The following RBFOX3 variants were observed in gnomAD, a reference collection of about 807,000 sequenced individuals.
RBFOX3 encodes the protein RNA binding fox-1 homolog 3.
Under a neutral mutation model 48.7 loss-of-function variants are expected in RBFOX3, and 17 were observed. That is an observed-to-expected ratio of 0.35 (90% confidence interval 0.24 to 0.52). The LOEUF (loss-of-function observed/expected upper bound fraction) is 0.52, where lower values mean the gene tolerates loss of function less well. Among genes scored for constraint, RBFOX3 ranks in the 20% least tolerant of loss-of-function variants. The pLI is 0.94. For missense variants in RBFOX3, 382 were observed against 497.5 expected (o/e 0.77, Z 2.21); for synonymous variants, 212 against 209.5 (o/e 1.01, Z -0.10).
chr17:79,547,328 G>A (rs940017152), intron 1 of RBFOX3, among the ~76,000 whole-genome samples: 2 of 151,936 alleles, frequency 1.3e-5, no homozygotes, highest in South Asian at 2.1e-4. Flanking sequence ...GGTGGCGCAC[G>A]CCTGTAATCC....
chr17:79,248,069 T>G (rs2063417313), intron 3 of RBFOX3, among the ~76,000 whole-genome samples: 1 of 152,078 alleles, frequency 6.6e-6, no homozygotes, highest in African/African-American at 2.4e-5. Context: ...TGAGCTCCGG[T>G]GGGGAGACCC....
chr17:79,650,537 G>A, the RBFOX3 span, among the ~76,000 whole-genome samples: 1 of 152,098 alleles, frequency 6.6e-6, no homozygotes, highest in East Asian at 1.9e-4. Flanking sequence ...CCACTAGGAC[G>A]TGAACCAGAG....
upstream of RBFOX3, among the ~76,000 whole-genome samples, chr17:79,611,169 T>TCTCTCTCTCTCTCCTCTCTCTCTCTCTCG: frequency 3.9e-5 from 1 of 25,908 alleles, no homozygotes; most frequent in Non-Finnish European, 8.1e-5. Context: ...TCTCTCTCTC[T>TCTCTCTCTCTCTCCTCTCTCTCTCTCTCG]CTCTCCGCCC....
intron 2 of RBFOX3, among the ~76,000 whole-genome samples, chr17:79,454,095 T>C (rs1200255008): frequency 6.6e-6 from 1 of 152,054 alleles, no homozygotes; most frequent in Non-Finnish European, 1.5e-5. Context: ...GGGGAGGCAA[T>C]GCCGTCTGGA....
intron 1 of RBFOX3, among the ~76,000 whole-genome samples, chr17:79,504,422 G>A (rs1046129450): frequency 6.6e-6 from 1 of 152,142 alleles, no homozygotes; most frequent in Non-Finnish European, 1.5e-5. Context: ...AAATAGAGTC[G>A]CTCAAAGCAA....
intron 1 of RBFOX3, among the ~76,000 whole-genome samples, chr17:79,591,879 G>A (rs2093427201): frequency 6.6e-6 from 1 of 151,502 alleles, no homozygotes; most frequent in African/African-American, 2.4e-5. Flanking sequence ...GGAGGCATGT[G>A]CACGTGTGGA....
At chr17:79,562,209 T>A (rs1452647866) in intron 1 of RBFOX3, among the ~76,000 whole-genome samples, 1 of 152,214 alleles carries the variant, frequency 6.6e-6, no homozygotes, top group African/African-American at 2.4e-5. Context: ...AGGAATAGCA[T>A]GCCGGCTGAG....
intron 4 of RBFOX3, among the ~76,000 whole-genome samples, chr17:79,228,083 C>A (rs528766472): frequency 1.3e-5 from 2 of 152,300 alleles, no homozygotes; most frequent in African/African-American, 4.8e-5. Context: ...CCTGCCCTTC[C>A]TCCGTAGGAC....
chr17:79,517,791 T>G (rs2149950584), intron 1 of RBFOX3, among the ~76,000 whole-genome samples: 1 of 152,312 alleles, frequency 6.6e-6, no homozygotes, highest in South Asian at 2.1e-4. Flanking sequence ...TCAGGAAATT[T>G]CCGCTTCTGA....
intron 4 of RBFOX3, among the ~76,000 whole-genome samples, chr17:79,144,057 C>T (rs989078183): frequency 6.6e-5 from 10 of 152,244 alleles, no homozygotes; most frequent in Admixed American, 1.3e-4. Context: ...CAGAGGAGGA[C>T]ACATCTAAGC....
At chr17:79,410,189 G>A (rs56947220) in intron 2 of RBFOX3, among the ~76,000 whole-genome samples, 5,673 of 152,268 alleles carry the variant, frequency 0.037, 354 homozygotes, top group African/African-American at 0.13. Flanking sequence ...TGTCCTGGCC[G>A]CCTGGCTGCC....
At chr17:79,151,407 G>C in intron 4 of RBFOX3, among the ~76,000 whole-genome samples, 1 of 125,072 alleles carries the variant, frequency 8.0e-6, no homozygotes, top group Admixed American at 8.4e-5. Flanking sequence ...AAAGGCACGG[G>C]GCTGGGAGGG....
At chr17:79,642,881 T>C in the RBFOX3 span, among the ~76,000 whole-genome samples, 1,690 of 152,280 alleles carry the variant, frequency 0.011, 30 homozygotes, top group African/African-American at 0.039. Flanking sequence ...CAAATATAGA[T>C]CGAGCACTTT....
intron 2 of RBFOX3, among the ~76,000 whole-genome samples, chr17:79,384,468 G>A (rs576548525): frequency 1.2e-4 from 18 of 152,044 alleles, no homozygotes; most frequent in Non-Finnish European, 1.8e-4. Context: ...TGCACAGGGG[G>A]TTTAAGCAGG....
intron 14 of RBFOX3, among the ~76,000 whole-genome samples, chr17:79,093,092 G>A (rs890135609): frequency 1.3e-5 from 2 of 152,220 alleles, no homozygotes; most frequent in Middle Eastern, 3.2e-3. Flanking sequence ...AGCCAGCTAC[G>A]CTGGGAGAGG....
intron 2 of RBFOX3, among the ~76,000 whole-genome samples, chr17:79,340,475 T>C (rs1337062701): frequency 6.6e-6 from 1 of 152,184 alleles, no homozygotes; most frequent in Non-Finnish European, 1.5e-5. Flanking sequence ...CCCTGTGATT[T>C]TCAGAGTTCT....
At chr17:79,629,275 C>G in the RBFOX3 span, among the ~76,000 whole-genome samples, 2 of 152,202 alleles carry the variant, frequency 1.3e-5, no homozygotes, top group African/African-American at 4.8e-5. Flanking sequence ...ATCTTCACCT[C>G]CCAGGCCATC....
At chr17:79,502,287 T>C (rs2082486288) in intron 1 of RBFOX3, among the ~76,000 whole-genome samples, 1 of 152,026 alleles carries the variant, frequency 6.6e-6, no homozygotes, top group Non-Finnish European at 1.5e-5. Flanking sequence ...ACTCCACTCA[T>C]GGGAAGAACC....
intron 1 of RBFOX3, among the ~76,000 whole-genome samples, chr17:79,524,785 C>A (rs1017508892): frequency 6.6e-6 from 1 of 152,130 alleles, no homozygotes; most frequent in Admixed American, 6.5e-5. Flanking sequence ...CAGAGCACCT[C>A]GAACATGGCA....
Sources: gnomAD v4.1 joint callset for allele counts (sites outside exome capture counted in the v4.1 genomes callset) on GRCh38, gnomAD v4.1.1 for gene constraint, MANE v1.5 for transcripts, NCBI Gene and HGNC (gene_info 2026-07-23, HGNC 2026-07-21) for gene names.